The following CENPC variants were observed in gnomAD, a reference collection of about 807,000 sequenced individuals.
CENPC encodes CENP-C 1.
Under a neutral mutation model 112.1 loss-of-function variants are expected in CENPC, and 63 were observed. That is an observed-to-expected ratio of 0.56 (90% confidence interval 0.46 to 0.69). The LOEUF (loss-of-function observed/expected upper bound fraction) is 0.69, where lower values mean the gene tolerates loss of function less well. CENPC is among the 30% of genes least tolerant of loss of function. The probability of loss-of-function intolerance (pLI) is 0.00; values close to 1 mark genes in which losing one functional copy is unlikely to be tolerated. For synonymous variants in CENPC, 333 were observed against 367.6 expected (o/e 0.91, Z 1.08); for missense variants, 1,000 against 1,103.8 (o/e 0.91, Z 1.33).
chr4:67,505,345 T>C, intron 11 of CENPC, 61 bp from the exon 12 acceptor site: 2 of 962,024 alleles, frequency 2.1e-6, no homozygotes, highest in Non-Finnish European at 3.1e-6. Context: ...CTAATGTATT[T>C]GCCTTAATGA....
chr4:67,532,357 G>C (rs1054256435), intron 4 of CENPC, among the ~76,000 whole-genome samples: 2 of 152,152 alleles, frequency 1.3e-5, no homozygotes. Context: ...CAGGGATCTA[G>C]AACTAGAAAT....
chr4:67,479,979 A>T (rs961888461), intron 17 of CENPC, among the ~76,000 whole-genome samples: 1 of 152,242 alleles, frequency 6.6e-6, no homozygotes, highest in Non-Finnish European at 1.5e-5. Flanking sequence ...GAAAAGACCA[A>T]TAACAAGCAA....
chr4:67,513,460 C>T (rs1454845182), intron 8 of CENPC, among the ~76,000 whole-genome samples: 2 of 152,088 alleles, frequency 1.3e-5, no homozygotes, highest in Non-Finnish European at 2.9e-5. Flanking sequence ...TTAATATTTA[C>T]AATTATAGAG....
At chr4:67,502,315 C>T (rs147444601) in intron 12 of CENPC, among the ~76,000 whole-genome samples, 56 of 152,204 alleles carry the variant, frequency 3.7e-4, no homozygotes, top group African/African-American at 1.3e-3. Flanking sequence ...GGAAAAAGTA[C>T]TGACACAGCG....
At chr4:67,531,032 T>G in intron 4 of CENPC, 118 bp from the exon 5 acceptor site, 1 of 502,680 alleles carries the variant, frequency 2.0e-6, no homozygotes, top group South Asian at 2.9e-5. Context: ...AACCAGCTGT[T>G]AAGAGTTTTA....
chr4:67,520,917 C>T (rs1481284730), intron 5 of CENPC, among the ~76,000 whole-genome samples: 1 of 152,042 alleles, frequency 6.6e-6, no homozygotes, highest in African/African-American at 2.4e-5. Context: ...GAGGCTGAAG[C>T]ATGAGAATCA....
Position 67,471,180 on chromosome 4 carries a change from A to G in CENPC, c.*1425T>C, listed in dbSNP as rs538580362. 1.3e-5 allele frequency: 2 copies of G among 152,338 alleles called. No homozygotes were observed. Among genetic ancestry groups the G allele is most frequent in the African/African-American group, 4.8e-5 (2 of 41,586 alleles). 9.4% of individuals were successfully genotyped at this position (152,338 alleles called of 1,614,324 possible). A position where few individuals can be genotyped will look rare whatever the true frequency, so the allele number is the denominator to read the frequency against. On this transcript the variant is annotated 3_prime_UTR_variant, in exon 19 of 19. Coordinates refer to ENST00000273853, the MANE Select transcript of CENPC (RefSeq NM_001812.4). ...GACTGCTAAGCTATGCAGACACAGG[A>G]ACTACCCCTAGCAAGCAAGAATAAA...
chr4:67,529,022 A>G (rs1391609160), intron 5 of CENPC, among the ~76,000 whole-genome samples: 1 of 152,196 alleles, frequency 6.6e-6, no homozygotes, highest in African/African-American at 2.4e-5. Context: ...TAGTGAGTGT[A>G]AAGTGGTATC....
Position 67,514,454 on chromosome 4 carries a change from GGT to G in CENPC, c.1062_1063del (p.Leu354PhefsTer2), listed in dbSNP as rs1276146185. 6.2e-7 allele frequency: 1 copy of G among 1,613,450 alleles called. No homozygotes were observed. Among genetic ancestry groups the G allele is most frequent in the Admixed American group, 1.7e-5 (1 of 59,992 alleles). ...ATGTTTGTCATTTGCCAAAGTCTTAGGTAATATATTATGATGCTTTTCTCTTG... is the reference window on the plus strand; with the variant it reads ...ATGTTTGTCATTTGCCAAAGTCTTAGAATATATTATGATGCTTTTCTCTTG... On this transcript the variant is annotated frameshift_variant, in exon 8 of 19. Coordinates refer to ENST00000273853, the MANE Select transcript of CENPC (RefSeq NM_001812.4). LOFTEE classifies it high-confidence loss of function.
intron 16 of CENPC, among the ~76,000 whole-genome samples, chr4:67,491,850 C>T (rs1435888734): frequency 6.6e-6 from 1 of 152,160 alleles, no homozygotes; most frequent in Non-Finnish European, 1.5e-5. Flanking sequence ...TATCTATCTA[C>T]AATTCCCCAT....
rs1172967170 is a variant in CENPC, at chr4:67,490,082, T to A, written c.2555A>T (p.Lys852Met). Residue 852 changes from lysine to methionine, a missense_variant, in exon 17 of 19, where the codon AAG becomes ATG. By Grantham distance (95) the Lys-to-Met change is moderately conservative. Coordinates refer to ENST00000273853, the MANE Select transcript of CENPC (RefSeq NM_001812.4). ...RPQDTYQFFV[K>M]HGELKVYKTL... is the part of the protein sequence containing the mutation. ...CTTGTATACCTTCAACTCACCATGCTTAACAAAAAATTGATATGTATCTTG... is the reference window on the plus strand; with the variant it reads ...CTTGTATACCTTCAACTCACCATGCATAACAAAAAATTGATATGTATCTTG... 5.0e-6 allele frequency: 8 copies of A among 1,608,932 alleles called. No homozygotes were observed. Among genetic ancestry groups the A allele is most frequent in the Non-Finnish European group, 6.8e-6 (8 of 1,177,966 alleles).
intron 7 of CENPC, among the ~76,000 whole-genome samples, chr4:67,517,564 G>T (rs1289941077): frequency 6.7e-6 from 1 of 149,982 alleles, no homozygotes; most frequent in Admixed American, 6.6e-5. Flanking sequence ...TCGGCCGGGT[G>T]CGGTGGCTCA....
At chr4:67,507,681 C>T (rs186869369) in intron 10 of CENPC, among the ~76,000 whole-genome samples, 39 of 152,100 alleles carry the variant, frequency 2.6e-4, no homozygotes, top group South Asian at 1.0e-3. Flanking sequence ...AAGAGAATTA[C>T]GACAAATTAT....
intron 4 of CENPC, among the ~76,000 whole-genome samples, chr4:67,534,007 C>T (rs1229612985): frequency 6.6e-6 from 1 of 152,008 alleles, no homozygotes; most frequent in East Asian, 1.9e-4. Context: ...CACTGCACTC[C>T]AGCAACAGAG....
intron 4 of CENPC, among the ~76,000 whole-genome samples, chr4:67,535,531 G>A (rs1726693163): frequency 6.6e-6 from 1 of 151,914 alleles, no homozygotes; most frequent in African/African-American, 2.4e-5. Context: ...GTTTGTCATA[G>A]AAAACTGGTG....
At chr4:67,500,146 C>T (rs376691889) in intron 12 of CENPC, among the ~76,000 whole-genome samples, 12 of 151,404 alleles carry the variant, frequency 7.9e-5, no homozygotes, top group African/African-American at 2.7e-4. Context: ...GACACAGAGA[C>T]ACAAGGTGAG....
intron 7 of CENPC, 91 bp downstream of exon 7, chr4:67,518,065 T>C: frequency 1.5e-6 from 1 of 682,718 alleles, no homozygotes; most frequent in Non-Finnish European, 2.2e-6. Context: ...AAATTACTTA[T>C]TTCTAAGTTA....
chr4:67,479,163 TC>T (rs2109762231), intron 17 of CENPC, among the ~76,000 whole-genome samples: 1 of 152,180 alleles, frequency 6.6e-6, no homozygotes, highest in East Asian at 1.9e-4. Context: ...AAACAGGTCA[TC>T]AAGACAGAAA....
chr4:67,529,934 T>G (rs1726496348), intron 5 of CENPC, among the ~76,000 whole-genome samples: 1 of 152,104 alleles, frequency 6.6e-6, no homozygotes, highest in Admixed American at 6.5e-5. Flanking sequence ...GAATGTTATG[T>G]GAGATTTAAT....
Sources: allele counts gnomAD v4.1 joint callset (sites outside exome capture counted in the v4.1 genomes callset), GRCh38; gene constraint gnomAD v4.1.1; transcripts MANE v1.5; gene names NCBI Gene and HGNC (gene_info 2026-07-23, HGNC 2026-07-21).